Variants in L3HYPDH observed in about 807,000 individuals in gnomAD.
L3HYPDH encodes the protein trans-L-3-hydroxyproline dehydratase.
A neutral mutation model predicts 26.5 loss-of-function variants in L3HYPDH; 32 were observed. The observed-to-expected ratio is 1.21, with a 90% CI of 0.91 to 1.62. The LOEUF is 1.62. Among genes scored for constraint, L3HYPDH ranks in the 40% most tolerant of loss-of-function variants. L3HYPDH has a pLI of 0.00. For synonymous variants in L3HYPDH, 215 were observed against 196.6 expected, an observed-to-expected ratio of 1.09 and a Z score of -0.78; for missense variants, 554 against 476.4, an observed-to-expected ratio of 1.16 and a Z score of -1.52.
the L3HYPDH span, chr14:59,501,063 G>A: frequency 3.2e-6 from 2 of 620,378 alleles, no homozygotes; most frequent in Non-Finnish European, 2.8e-6. Flanking sequence ...AGAACCTTAG[G>A]TTGTAAGTCT....
At chr14:59,498,461 A>G in the L3HYPDH span, among the ~76,000 whole-genome samples, 2 of 152,262 alleles carry the variant, frequency 1.3e-5, no homozygotes, top group East Asian at 1.9e-4. Flanking sequence ...ATAAATTTCT[A>G]CAGGTAAAAT....
chr14:59,484,925 G>GA (rs1459263741), upstream of L3HYPDH: 6 of 1,462,644 alleles, frequency 4.1e-6, no homozygotes, highest in Non-Finnish European at 4.5e-6. Flanking sequence ...TGATAGTGCA[G>GA]AAAAAACAGT....
the L3HYPDH span, among the ~76,000 whole-genome samples, chr14:59,493,185 C>G: frequency 6.6e-6 from 1 of 152,130 alleles, no homozygotes; most frequent in South Asian, 2.1e-4. Flanking sequence ...AAGGAAAACA[C>G]ATCCCAAGCA....
the L3HYPDH span, among the ~76,000 whole-genome samples, chr14:59,495,905 T>G: frequency 6.6e-6 from 1 of 152,130 alleles, no homozygotes; most frequent in Non-Finnish European, 1.5e-5. Context: ...ACCTGCCAGT[T>G]TTTTGTTTGT....
chr14:59,472,836 G>A lies in L3HYPDH; in HGVS notation c.*129C>T, dbSNP rs918001071. The A allele has an allele frequency of 5.4e-6, 4 of 733,966 alleles. No homozygotes were observed. In the African/African-American group the frequency reaches 5.6e-5, roughly 10 times the overall value. The allele number at this position is 733,966 out of a possible 1,614,324, so 45.5% of individuals were successfully genotyped here. A position where few individuals can be genotyped will look rare whatever the true frequency, so the allele number is the denominator to read the frequency against. ...ATAATGACTTTATATTTAGCCACAG[G>A]GTAGTATTTTACAAAGAATGAGAGT... On this transcript the variant is annotated 3_prime_UTR_variant, in exon 5 of 5. Coordinates refer to ENST00000247194, the MANE Select transcript of L3HYPDH (RefSeq NM_144581.2).
At chr14:59,494,922 A>G in the L3HYPDH span, 1 of 873,138 alleles carries the variant, frequency 1.1e-6, no homozygotes. Flanking sequence ...TTTCTTATAG[A>G]TTTAGAAATC....
chr14:59,501,946 A>G, the L3HYPDH span, among the ~76,000 whole-genome samples: 59,496 of 152,036 alleles, frequency 0.39, 12,436 homozygotes, highest in African/African-American at 0.53. Context: ...ATTTGTAGTC[A>G]CTGGGTAGAA....
At chr14:59,485,373 G>T, upstream of L3HYPDH, 1 of 369,020 alleles carries the variant, frequency 2.7e-6, no homozygotes, top group Admixed American at 4.6e-5. Flanking sequence ...GAGGCCAGTG[G>T]GTTTAAAAAG....
chr14:59,502,837 C>G, the L3HYPDH span, among the ~76,000 whole-genome samples: 3 of 138,338 alleles, frequency 2.2e-5, no homozygotes, highest in Non-Finnish European at 4.6e-5. Context: ...CTGCAACTTC[C>G]ACCTCTCGGG....
At chr14:59,498,523 G>T in the L3HYPDH span, among the ~76,000 whole-genome samples, 1 of 152,094 alleles carries the variant, frequency 6.6e-6, no homozygotes, top group African/African-American at 2.4e-5. Flanking sequence ...CATATTTCCA[G>T]ACTGCCTAAG....
the L3HYPDH span, among the ~76,000 whole-genome samples, chr14:59,496,390 C>A: frequency 1.3e-5 from 2 of 151,656 alleles, no homozygotes; most frequent in Non-Finnish European, 2.9e-5. Context: ...CCTTGCATAA[C>A]TTAACGTGGT....
the L3HYPDH span, among the ~76,000 whole-genome samples, chr14:59,502,773 T>TG: frequency 0.59 from 59,997 of 102,398 alleles, 19,357 homozygotes; most frequent in East Asian, 0.77. Context: ...TTTTTTTTTT[T>TG]CGGAGTCTCA....
At chr14:59,502,083 C>A in the L3HYPDH span, among the ~76,000 whole-genome samples, 1 of 152,106 alleles carries the variant, frequency 6.6e-6, no homozygotes, top group Non-Finnish European at 1.5e-5. Flanking sequence ...AAAATGTATT[C>A]ATTAAACTTT....
At position 59,475,952 on chromosome 14, in the gene L3HYPDH, G is replaced by C; in HGVS notation, c.856C>G (p.His286Asp). 6.2e-7 allele frequency: 1 copy of C among 1,613,988 alleles called. No individual in the cohort carries two copies. Residue 286 changes from histidine to aspartate, a missense_variant, in exon 4 of 5, where the codon CAC becomes GAC. Coordinates refer to ENST00000247194, the MANE Select transcript of L3HYPDH (RefSeq NM_144581.2). ...GVTARIALQY[H>D]KGLLELNQMR... ...TGGTTCAGTTCCAGAAGCCCTTTGT[G>C]ATACTGTAAGGCAATTCGGGCTGTC...
chr14:59,500,927 G>C, the L3HYPDH span: 2 of 347,490 alleles, frequency 5.8e-6, no homozygotes, highest in Admixed American at 9.4e-5. Flanking sequence ...GCCCATTCAT[G>C]TATGTATTCT....
the L3HYPDH span, among the ~76,000 whole-genome samples, chr14:59,502,421 A>G: frequency 6.6e-6 from 1 of 152,188 alleles, no homozygotes; most frequent in Admixed American, 6.5e-5. Context: ...CAACCAAGAG[A>G]AAATAAGTTG....
the L3HYPDH span, among the ~76,000 whole-genome samples, chr14:59,502,763 T>TTGTTTTGTTTTG: frequency 3.0e-5 from 4 of 134,120 alleles, no homozygotes; most frequent in Admixed American, 7.5e-5. Context: ...TTTTTTTTTT[T>TTGTTTTGTTTTG]TTTTTTTTTT....
At chr14:59,483,574 G>A (rs1890216986) in intron 1 of L3HYPDH, 3 of 1,415,944 alleles carry the variant, frequency 2.1e-6, no homozygotes, top group Non-Finnish European at 2.8e-6. Flanking sequence ...GCAATTCCTC[G>A]CTCCTCAAGG....
intron 1 of L3HYPDH, chr14:59,465,479 C>G (rs1395746039): frequency 2.8e-6 from 1 of 359,124 alleles, no homozygotes; most frequent in African/African-American, 2.1e-5. Context: ...CCCGCGACAC[C>G]GCCACTCCGG....
Sources: gnomAD v4.1 joint callset for allele counts (sites outside exome capture counted in the v4.1 genomes callset) on GRCh38, gnomAD v4.1.1 for gene constraint, MANE v1.5 for transcripts, NCBI Gene and HGNC (gene_info 2026-07-23, HGNC 2026-07-21) for gene names.